Variants in ERICH3 observed in about 807,000 individuals in gnomAD.
ERICH3 encodes the protein glutamate rich 3, also known as glutamate-rich protein 3.
A neutral mutation model predicts 131.1 loss-of-function variants in ERICH3; 126 were observed. The observed-to-expected ratio is 0.96, with a 90% CI of 0.83 to 1.11. The LOEUF is 1.11. Ranked by LOEUF, ERICH3 falls within the 50% of genes most tolerant of loss-of-function variation. The probability of loss-of-function intolerance (pLI) is 0.00; values close to 1 mark genes in which losing one functional copy is unlikely to be tolerated. For missense variants in ERICH3, 2,050 were observed against 1,810.7 expected (o/e 1.13, Z -2.40); for synonymous variants, 695 against 644.6 (o/e 1.08, Z -1.18).
chr1:74,592,591 T>C (rs1647658841), intron 11 of ERICH3, among the ~76,000 whole-genome samples: 1 of 152,150 alleles, frequency 6.6e-6, no homozygotes, highest in African/African-American at 2.4e-5. Context: ...TAAAAATGAG[T>C]GCTCCTCTGC....
intron 7 of ERICH3, among the ~76,000 whole-genome samples, 179 bp from the exon 8 acceptor site, chr1:74,621,093 T>C (rs1160935794): frequency 6.6e-6 from 1 of 152,190 alleles, no homozygotes; most frequent in African/African-American, 2.4e-5. Flanking sequence ...TAAATCCTCC[T>C]AAATAACTAT....
At position 74,582,799 on chromosome 1, in the gene ERICH3, T is replaced by C. The variant is rs80326277; in HGVS notation, c.2177-5863A>G. ...GCATTATTTATGTGGTTTAAATGAA[T>C]ATTTTGGAATTTTTCAGGTATTTTT... On this transcript the variant is annotated intron_variant, in intron 12 of 14. Transcript: ENST00000326665. Among the ~76,000 whole-genome samples the C allele has an allele frequency of 3.1e-3, 472 of 152,324 alleles. 1 individual carries two copies. Among genetic ancestry groups the C allele is most frequent in the African/African-American group, 0.01 (433 of 41,582 alleles).
At chr1:74,612,974 TCA>T (rs923506023) in intron 8 of ERICH3, among the ~76,000 whole-genome samples, 165 bp from the exon 9 acceptor site, 6 of 152,120 alleles carry the variant, frequency 3.9e-5, no homozygotes, top group African/African-American at 1.4e-4. Flanking sequence ...TTGTCTTGGG[TCA>T]CATATAAAAT....
chr1:74,650,631 T>C (rs1043348365), intron 1 of ERICH3, among the ~76,000 whole-genome samples: 2 of 152,100 alleles, frequency 1.3e-5, no homozygotes, highest in African/African-American at 2.4e-5. Flanking sequence ...ACTGCATGGA[T>C]ACCCAGGAAA....
intron 1 of ERICH3, among the ~76,000 whole-genome samples, chr1:74,650,322 C>T (rs1284619928): frequency 6.6e-6 from 1 of 152,126 alleles, no homozygotes; most frequent in East Asian, 1.9e-4. Context: ...AATTGTCAAT[C>T]TAAGTCTGTA....
intron 14 of ERICH3, among the ~76,000 whole-genome samples, chr1:74,570,753 T>C (rs1046582121): frequency 5.3e-5 from 8 of 152,180 alleles, no homozygotes; most frequent in African/African-American, 1.9e-4. Flanking sequence ...TATAGTTTAA[T>C]TCTTTACTTC....
intron 8 of ERICH3, chr1:74,615,438 TTA>T (rs1388305882): frequency 1.3e-5 from 2 of 152,194 alleles, no homozygotes; most frequent in Non-Finnish European, 2.9e-5. Context: ...TTAGAAAGCA[TTA>T]TATATGATTA....
At chr1:74,666,292 A>G (rs1490353243) in intron 1 of ERICH3, among the ~76,000 whole-genome samples, 1 of 152,192 alleles carries the variant, frequency 6.6e-6, no homozygotes, top group Admixed American at 6.5e-5. Context: ...ATAAGAGAAT[A>G]AGAAATTATT....
At chr1:74,603,132 G>T (rs540540523) in intron 10 of ERICH3, among the ~76,000 whole-genome samples, 24 of 151,902 alleles carry the variant, frequency 1.6e-4, no homozygotes, top group African/African-American at 5.5e-4. Flanking sequence ...CCTTCCACAG[G>T]TACCCCAACC....
At chr1:74,609,939 A>G (rs1239833532) in intron 9 of ERICH3, among the ~76,000 whole-genome samples, 1 of 152,094 alleles carries the variant, frequency 6.6e-6, no homozygotes, top group East Asian at 1.9e-4. Flanking sequence ...AAATGCCATC[A>G]GTCAGATTTT....
chr1:74,616,109 C>T (rs1570874145), intron 8 of ERICH3, among the ~76,000 whole-genome samples: 1 of 152,120 alleles, frequency 6.6e-6, no homozygotes, highest in East Asian at 1.9e-4. Flanking sequence ...TCAAGCTATT[C>T]TCGTGCCTCA....
intron 8 of ERICH3, among the ~76,000 whole-genome samples, chr1:74,613,159 G>A (rs1016365611): frequency 1.3e-5 from 2 of 152,116 alleles, no homozygotes; most frequent in African/African-American, 4.8e-5. Context: ...TTAATTTGAG[G>A]ACAATTTTTA....
intron 12 of ERICH3, among the ~76,000 whole-genome samples, chr1:74,582,977 C>T (rs1647205292): frequency 6.6e-6 from 1 of 152,002 alleles, no homozygotes; most frequent in Admixed American, 6.6e-5. Context: ...TCTCTTTTCT[C>T]CCCTGACCCT....
In ERICH3 at chr1:74,646,759, C is replaced by A. The variant is rs755706190; in HGVS notation, c.151G>T (p.Glu51Ter). The change falls in exon 3 of 15, where the codon GAA becomes TAA. Residue 51 changes from glutamate to a stop codon, truncating the protein, a stop_gained. Transcript: ENST00000326665. LOFTEE classifies it high-confidence loss of function. Reference sequence around the variant, plus strand: ...CGCTTCATCATATTTAGTTTATATTCTTTTTCAGAAAGTATTCTTCCACTT... The same window carrying A: ...CGCTTCATCATATTTAGTTTATATTATTTTTCAGAAAGTATTCTTCCACTT... ...TRSGRILSEKEYKLNMMKRDH... is the reference protein window; with the variant it reads ...TRSGRILSEK The A allele has an allele frequency of 6.7e-7, 1 of 1,498,950 alleles. No individual in the cohort carries two copies. Among genetic ancestry groups the A allele is most frequent in the Non-Finnish European group, 9.0e-7 (1 of 1,105,088 alleles). 92.9% of individuals were successfully genotyped at this position (1,498,950 alleles called of 1,614,324 possible).
At chr1:74,629,610 C>T (rs1649525754) in intron 7 of ERICH3, among the ~76,000 whole-genome samples, 1 of 152,144 alleles carries the variant, frequency 6.6e-6, no homozygotes, top group Non-Finnish European at 1.5e-5. Context: ...GCCCATTCTC[C>T]TGGTCATTTT....
chr1:74,573,298 A>T lies in ERICH3; in HGVS notation c.2412T>A (p.Val804=). 1 of 1,601,434 alleles carries T rather than the reference A, an allele frequency of 6.2e-7. No homozygotes were observed. Residue 804 remains valine, a synonymous_variant, in exon 14 of 15, where the codon GTT becomes GTA. Coordinates refer to ENST00000326665, the MANE Select transcript of ERICH3 (RefSeq NM_001002912.5). Reference sequence around the variant, plus strand: ...TCCACGCCCTCAAGGGAGCCTCATGAACAGCTCCTGCTTCTCCCCACAGTG... The same window carrying T: ...TCCACGCCCTCAAGGGAGCCTCATGTACAGCTCCTGCTTCTCCCCACAGTG... The part of the protein sequence containing the change: ...EAALWGEAGA[V]HEAPLRAWKP...
intron 3 of ERICH3, among the ~76,000 whole-genome samples, chr1:74,643,691 A>T (rs1393008628): frequency 6.6e-6 from 1 of 152,136 alleles, no homozygotes; most frequent in Non-Finnish European, 1.5e-5. Context: ...CTTCTTGAAC[A>T]ACTCTAATTG....
intron 1 of ERICH3, among the ~76,000 whole-genome samples, chr1:74,653,792 TG>T (rs2100646776): frequency 6.6e-6 from 1 of 152,236 alleles, no homozygotes; most frequent in African/African-American, 2.4e-5. Flanking sequence ...TGAAGCACCC[TG>T]TAACTCTACC....
intron 3 of ERICH3, among the ~76,000 whole-genome samples, chr1:74,645,056 C>A (rs1646469474): frequency 6.6e-6 from 1 of 151,998 alleles, no homozygotes; most frequent in African/African-American, 2.4e-5. Flanking sequence ...ACACCTTTCC[C>A]ACATTTTCAC....
Sources: allele counts gnomAD v4.1 joint callset (sites outside exome capture counted in the v4.1 genomes callset), GRCh38; gene constraint gnomAD v4.1.1; transcripts MANE v1.5; gene names NCBI Gene and HGNC (gene_info 2026-07-23, HGNC 2026-07-21).